IGF1R: variants seen among roughly 807,000 people sequenced by gnomAD.
IGF1R encodes insulin-like growth factor 1 receptor.
IGF1R carries 44 observed loss-of-function variants against 144.6 expected under a neutral mutation model. The observed-to-expected ratio is 0.30, with a 90% CI of 0.24 to 0.39. The LOEUF (loss-of-function observed/expected upper bound fraction) is 0.39. Among genes scored for constraint, IGF1R ranks in the 10% least tolerant of loss-of-function variants. IGF1R has a pLI of 1.00. For missense variants in IGF1R, 1,355 were observed against 1,833.7 expected (o/e 0.74, Z 4.77); for synonymous variants, 795 against 722.8 (o/e 1.10, Z -1.60).
chr15:98,695,345 G>C (rs1304837213), intron 1 of IGF1R, among the ~76,000 whole-genome samples: 1 of 152,178 alleles, frequency 6.6e-6, no homozygotes, highest in African/African-American at 2.4e-5. Context: ...GCTTTAAAGA[G>C]GTGCCCACTC....
chr15:98,680,212 A>T (rs1353652859), intron 1 of IGF1R, among the ~76,000 whole-genome samples: 2 of 151,910 alleles, frequency 1.3e-5, no homozygotes, highest in Admixed American at 6.6e-5. Flanking sequence ...CACCCGAGGG[A>T]GCAACTTCCA....
chr15:98,709,249 A>G (rs1338493478), intron 2 of IGF1R, among the ~76,000 whole-genome samples: 1 of 152,270 alleles, frequency 6.6e-6, no homozygotes, highest in South Asian at 2.1e-4. Flanking sequence ...AAGTGTGTAA[A>G]GTAAATAAAG....
chr15:98,666,076 T>C (rs1344962541), intron 1 of IGF1R, among the ~76,000 whole-genome samples: 1 of 152,202 alleles, frequency 6.6e-6, no homozygotes, highest in Non-Finnish European at 1.5e-5. Context: ...TTAATTCTTT[T>C]GATTTAAAAC....
chr15:98,732,894 A>G (rs2054525522), intron 2 of IGF1R, among the ~76,000 whole-genome samples: 2 of 152,106 alleles, frequency 1.3e-5, no homozygotes, highest in Non-Finnish European at 2.9e-5. Flanking sequence ...CCAGTGGGGA[A>G]GGATCACTGG....
chr15:98,661,271 T>G (rs547646059), intron 1 of IGF1R, among the ~76,000 whole-genome samples: 2 of 152,302 alleles, frequency 1.3e-5, no homozygotes, highest in East Asian at 3.9e-4. Flanking sequence ...CTGCCGGTTT[T>G]GGTTGCTGGT....
Position 98,707,524 on chromosome 15 carries a change from C to T in IGF1R, c.95-38C>T, listed in dbSNP as rs146590747. The T allele has an allele frequency of 5.4e-4, 854 of 1,596,162 alleles. 4 individuals are homozygous for T. The African/African-American group carries it at 0.01, about 20-fold the overall frequency. ...TGGAAAATAGTTTAAAAATTATTTC[C>T]TTCTAACTGAGACGTTTACCCTCTT... On this transcript the variant is annotated intron_variant, in intron 1 of 20. Coordinates refer to ENST00000650285, the MANE Select transcript of IGF1R (RefSeq NM_000875.5). The surrounding 1 kb of genome is among the most constrained non-coding windows in gnomAD (Gnocchi z 6.7).
intron 2 of IGF1R, among the ~76,000 whole-genome samples, chr15:98,753,170 G>C (rs2055060015): frequency 6.6e-6 from 1 of 151,340 alleles, no homozygotes; most frequent in African/African-American, 2.4e-5. Context: ...CTGACCTCGT[G>C]ATCACCTGCC....
At chr15:98,659,775 T>C (rs1190128916) in intron 1 of IGF1R, among the ~76,000 whole-genome samples, 1 of 152,204 alleles carries the variant, frequency 6.6e-6, no homozygotes, top group East Asian at 1.9e-4. Context: ...AAAAAAACAC[T>C]ACTGATTTCA....
At chr15:98,690,840 G>A (rs976862859) in intron 1 of IGF1R, among the ~76,000 whole-genome samples, 3 of 152,166 alleles carry the variant, frequency 2.0e-5, no homozygotes, top group Non-Finnish European at 4.4e-5. Flanking sequence ...GGGTGGGGCG[G>A]TGTTGGCGGG....
Position 98,908,909 on chromosome 15 carries a change from A to C in IGF1R, c.1462+10A>C. ...GGGGAGAGAGCCTCCTGTGAGTGAC[A>C]GCATCCAAAACACCGTGGGCCCAAC... On this transcript the variant is annotated intron_variant, in intron 6 of 20. Transcript: ENST00000650285. The C allele has an allele frequency of 6.2e-7, 1 of 1,610,876 alleles. No homozygotes were observed.
chr15:98,916,907 A>G (rs2015276956), intron 10 of IGF1R, 31 bp downstream of exon 10: 1 of 1,589,370 alleles, frequency 6.3e-7, no homozygotes. Context: ...TTCAGTTGGC[A>G]AAACCCACTG....
intron 2 of IGF1R, among the ~76,000 whole-genome samples, chr15:98,874,568 C>T (rs2012956943): frequency 6.6e-6 from 1 of 152,156 alleles, no homozygotes; most frequent in Non-Finnish European, 1.5e-5. Flanking sequence ...GGCTCAGAGG[C>T]TGGGGACCTG....
intron 18 of IGF1R, 36 bp from the exon 19 acceptor site, chr15:98,942,887 C>G (rs1567213991): frequency 3.1e-6 from 5 of 1,613,602 alleles, no homozygotes; most frequent in Non-Finnish European, 4.2e-6. Context: ...GGTGCCTGCT[C>G]CAGCGTGTGA....
At chr15:98,758,575 C>T (rs2055215808) in intron 2 of IGF1R, among the ~76,000 whole-genome samples, 1 of 152,222 alleles carries the variant, frequency 6.6e-6, no homozygotes, top group Admixed American at 6.5e-5. Context: ...TTCCACCTTC[C>T]ATGGAAGCCC....
In IGF1R at chr15:98,649,570, C is replaced by A; in HGVS notation, c.-12C>A. 3 of 1,382,054 alleles carry A rather than the reference C, an allele frequency of 2.2e-6. No homozygotes were observed. The highest frequency in any genetic ancestry group is 3.0e-6 in the Non-Finnish European group (3 of 986,354). 85.6% of individuals were successfully genotyped at this position (1,382,054 alleles called of 1,614,324 possible). ...TTTTTGAGAAAGGGGAATTTCATCC[C>A]AAATAAAAGGAATGAAGTCTGGCTC... On this transcript the variant is annotated 5_prime_UTR_variant, in exon 1 of 21. Coordinates refer to ENST00000650285, the MANE Select transcript of IGF1R (RefSeq NM_000875.5).
intron 1 of IGF1R, among the ~76,000 whole-genome samples, chr15:98,677,080 A>G (rs931685558): frequency 1.3e-5 from 2 of 151,970 alleles, no homozygotes; most frequent in South Asian, 4.2e-4. Flanking sequence ...GACTACTGGT[A>G]TGCGCCACCA....
chr15:98,726,304 C>G (rs1422298785), intron 2 of IGF1R, among the ~76,000 whole-genome samples: 1 of 152,224 alleles, frequency 6.6e-6, no homozygotes, highest in Non-Finnish European at 1.5e-5. Flanking sequence ...CGTAGCTCAC[C>G]TAATACTTCC....
chr15:98,715,388 C>T (rs1187499769), intron 2 of IGF1R, among the ~76,000 whole-genome samples: 1 of 152,204 alleles, frequency 6.6e-6, no homozygotes, highest in Non-Finnish European at 1.5e-5. Context: ...AAAAAGCTTT[C>T]AGAACCACTG....
At chr15:98,758,890 A>G (rs1203897272) in intron 2 of IGF1R, among the ~76,000 whole-genome samples, 1 of 152,228 alleles carries the variant, frequency 6.6e-6, no homozygotes, top group African/African-American at 2.4e-5. Context: ...TCTTTGCTGT[A>G]TTGTGAGAAG....
Sources: gnomAD v4.1 joint callset for allele counts (sites outside exome capture counted in the v4.1 genomes callset) on GRCh38, gnomAD v4.1.1 for gene constraint, Gnocchi (gnomAD v3.1) non-coding constraint, MANE v1.5 for transcripts, NCBI Gene and HGNC (gene_info 2026-07-23, HGNC 2026-07-21) for gene names.